The following SRGAP1 variants were observed in gnomAD, a reference collection of about 807,000 sequenced individuals.
SRGAP1 encodes the protein SLIT-ROBO Rho GTPase activating protein 1, also known as SLIT-ROBO Rho GTPase-activating protein 1.
In SRGAP1, 43 loss-of-function variants were observed where a neutral mutation model predicts 121.9. The observed-to-expected ratio is 0.35, with a 90% CI of 0.28 to 0.46. The LOEUF is 0.46. SRGAP1 is among the 20% of genes least tolerant of loss of function. The pLI is 1.00. For synonymous variants in SRGAP1, 447 were observed against 485.4 expected (o/e 0.92, Z 1.04); for missense variants, 1,102 against 1,350.9 (o/e 0.82, Z 2.89).
intron 10 of SRGAP1, among the ~76,000 whole-genome samples, chr12:64,084,304 A>T (rs751688539): frequency 4.6e-5 from 7 of 152,070 alleles, no homozygotes; most frequent in Non-Finnish European, 1.0e-4. Flanking sequence ...AGCCTGGGTT[A>T]TTTTTTTCCT....
intron 1 of SRGAP1, among the ~76,000 whole-genome samples, chr12:63,965,242 C>T (rs1040928747): frequency 6.6e-6 from 1 of 151,934 alleles, no homozygotes; most frequent in Non-Finnish European, 1.5e-5. Context: ...ACCTTCCGCA[C>T]CAAAGACAGT....
At chr12:64,102,485 T>TC in intron 15 of SRGAP1, among the ~76,000 whole-genome samples, 1 of 152,244 alleles carries the variant, frequency 6.6e-6, no homozygotes, top group African/African-American at 2.4e-5. Flanking sequence ...TATGCAACCA[T>TC]CACCACAATC....
At chr12:63,900,827 CAAAG>C (rs1157233590) in intron 1 of SRGAP1, among the ~76,000 whole-genome samples, 2 of 152,006 alleles carry the variant, frequency 1.3e-5, no homozygotes, top group Admixed American at 6.5e-5. Flanking sequence ...AAATAAATAA[CAAAG>C]AAATTATTGT....
chr12:64,094,935 T>C lies in SRGAP1; in HGVS notation c.1543T>C (p.Ser515Pro). ...NGDLETFVKD[S>P]GQVIPLIVES... The stretch of plus-strand genomic sequence containing the variant: ...TGGTTTCCATCCCTTTACCCAGGAC[T>C]CAGGACAGGTTATTCCCCTCATTGT... The change falls in exon 13 of 22, where the codon TCA becomes CCA. Residue 515 changes from serine (S) to proline (P), a missense_variant. By Grantham distance (74) the Ser-to-Pro change is moderately conservative (BLOSUM62 -1). Around this residue, in one of 3 missense-constraint regions of SRGAP1, gnomAD observed 747 missense variants for 929.4 expected, o/e 0.80. Transcript: ENST00000355086. 1 of 1,614,090 alleles carries C rather than the reference T, an allele frequency of 6.2e-7. No individual in the cohort carries two copies. Among genetic ancestry groups the C allele is most frequent in the Non-Finnish European group, 8.5e-7 (1 of 1,179,944 alleles).
At chr12:63,943,028 A>G (rs1176059730) in intron 1 of SRGAP1, among the ~76,000 whole-genome samples, 1 of 152,212 alleles carries the variant, frequency 6.6e-6, no homozygotes, top group African/African-American at 2.4e-5. Flanking sequence ...CCAAGTTCGT[A>G]TGTTTCTCGA....
At chr12:63,940,054 C>T (rs533037294) in intron 1 of SRGAP1, among the ~76,000 whole-genome samples, 140 of 151,990 alleles carry the variant, frequency 9.2e-4, no homozygotes, top group Non-Finnish European at 9.0e-4. Context: ...CTCTACCTCC[C>T]GGGTTCAAGC....
At chr12:64,131,372 C>T (rs947250328) in intron 21 of SRGAP1, among the ~76,000 whole-genome samples, 3 of 152,206 alleles carry the variant, frequency 2.0e-5, no homozygotes, top group Admixed American at 6.5e-5. Context: ...CTACAGTCCA[C>T]GAATCAGTGT....
rs116397033 is a variant in SRGAP1, at chr12:64,109,633, G to A, written c.1919+596G>A. ...ATTTTCAGCTATGCTACTTCCTGCTGTATGGGTTCCATTATAAGAACAGCT... is the reference window on the plus strand; with the variant it reads ...ATTTTCAGCTATGCTACTTCCTGCTATATGGGTTCCATTATAAGAACAGCT... On this transcript the variant is annotated intron_variant, in intron 16 of 21. Transcript: ENST00000355086. 5.1e-3 allele frequency among the ~76,000 whole-genome samples: 781 copies of A among 152,188 alleles called. 8 individuals are homozygous for A. The highest frequency in any genetic ancestry group is 0.018 in the African/African-American group (746 of 41,512).
chr12:63,923,387 C>A (rs2031140966), intron 1 of SRGAP1, among the ~76,000 whole-genome samples: 1 of 152,126 alleles, frequency 6.6e-6, no homozygotes, highest in Admixed American at 6.6e-5. Flanking sequence ...TTTGTTTATA[C>A]ATTAATATGT....
rs1592367358 is a variant in SRGAP1, at chr12:64,153,468, A to C, written c.*10796A>C. 6.9e-6 allele frequency: 1 copy of C among 144,208 alleles called. No homozygotes were observed. The highest frequency in any genetic ancestry group is 1.5e-5 in the Non-Finnish European group (1 of 67,378). 8.9% of individuals were successfully genotyped at this position (144,208 alleles called of 1,614,324 possible). A position where few individuals can be genotyped will look rare whatever the true frequency, so the allele number is the denominator to read the frequency against. ...AGCCTGGGCGGCACAGTGAGACTCCATCTCAAAAAAAAAAAAAAAAGTAAG... is the reference window on the plus strand; with the variant it reads ...AGCCTGGGCGGCACAGTGAGACTCCCTCTCAAAAAAAAAAAAAAAAGTAAG... On this transcript the variant is annotated 3_prime_UTR_variant, in exon 22 of 22. Transcript: ENST00000355086.
chr12:64,117,553 C>T (rs781681669), intron 18 of SRGAP1, among the ~76,000 whole-genome samples: 1 of 152,112 alleles, frequency 6.6e-6, no homozygotes. Context: ...AATTTTACTT[C>T]GCATCTCCTT....
chr12:63,874,305 A>G (rs1899957522), intron 1 of SRGAP1, among the ~76,000 whole-genome samples: 1 of 151,484 alleles, frequency 6.6e-6, no homozygotes, highest in Non-Finnish European at 1.5e-5. Context: ...CTGGGTTCAC[A>G]CCATTCTCCT....
chr12:63,930,800 G>A (rs752295615), intron 1 of SRGAP1, among the ~76,000 whole-genome samples: 5 of 152,116 alleles, frequency 3.3e-5, no homozygotes, highest in Non-Finnish European at 5.9e-5. Context: ...GCCGCATATG[G>A]CAATAGACTA....
chr12:64,147,582 T>A lies in SRGAP1; in HGVS notation c.*4910T>A. Reference sequence around the variant, plus strand: ...CCACCGCATCAGTCCCCCGCTCATGTGCTGCTGACAGCATCGCATTCGCCC... The same window carrying A: ...CCACCGCATCAGTCCCCCGCTCATGAGCTGCTGACAGCATCGCATTCGCCC... On this transcript the variant is annotated 3_prime_UTR_variant, in exon 22 of 22. Coordinates refer to ENST00000355086, the MANE Select transcript of SRGAP1 (RefSeq NM_020762.4). 2.5e-6 allele frequency: 1 copy of A among 398,882 alleles called. No homozygotes were observed. The highest frequency in any genetic ancestry group is 3.6e-5 in the East Asian group (1 of 28,078). 24.7% of individuals were successfully genotyped at this position (398,882 alleles called of 1,614,324 possible).
At chr12:64,126,985 G>A (rs1054737307) in intron 19 of SRGAP1, among the ~76,000 whole-genome samples, 2 of 152,138 alleles carry the variant, frequency 1.3e-5, no homozygotes, top group Admixed American at 1.3e-4. Context: ...TCTATGTTTA[G>A]ATATGTTTAG....
chr12:64,008,598 A>T (rs538026161), intron 3 of SRGAP1, among the ~76,000 whole-genome samples: 2 of 152,274 alleles, frequency 1.3e-5, no homozygotes, highest in African/African-American at 2.4e-5. Flanking sequence ...GTTTTTGAAG[A>T]TGCGTAAATC....
At chr12:64,092,088 G>C (rs2036062991) in intron 12 of SRGAP1, among the ~76,000 whole-genome samples, 1 of 152,154 alleles carries the variant, frequency 6.6e-6, no homozygotes, top group Non-Finnish European at 1.5e-5. Context: ...AGAAACTGTA[G>C]CAATCAAACA....
chr12:64,082,086 C>T (rs1201697689), intron 10 of SRGAP1, among the ~76,000 whole-genome samples: 1 of 134,614 alleles, frequency 7.4e-6, no homozygotes, highest in Admixed American at 8.4e-5. Context: ...AGGCCCAAAG[C>T]ATAAATTATC....
chr12:63,903,650 C>T (rs555562639), intron 1 of SRGAP1, among the ~76,000 whole-genome samples: 2 of 149,290 alleles, frequency 1.3e-5, no homozygotes, highest in African/African-American at 5.1e-5. Flanking sequence ...CAACGTCTGC[C>T]TTGAGACAGA....
Sources: allele counts gnomAD v4.1 joint callset (sites outside exome capture counted in the v4.1 genomes callset), GRCh38; gene constraint gnomAD v4.1.1; regional missense constraint gnomAD v4.1.1; transcripts MANE v1.5; gene names NCBI Gene and HGNC (gene_info 2026-07-23, HGNC 2026-07-21).